PCDHA13: variants seen among roughly 807,000 people sequenced by gnomAD.
The protein encoded by PCDHA13 is protocadherin alpha 13.
In PCDHA13, 54 loss-of-function variants were observed where a neutral mutation model predicts 64.8. The ratio of observed to expected loss-of-function variants is 0.83; its 90% CI spans 0.67 to 1.04. PCDHA13 has a LOEUF of 1.04. Among genes scored for constraint, PCDHA13 ranks in the 50% least tolerant of loss-of-function variants. PCDHA13 has a pLI of 0.00. For missense variants in PCDHA13, 1,248 were observed against 1,254.3 expected, an observed-to-expected ratio of 0.99 and a Z score of 0.08; for synonymous variants, 587 against 564.4, an observed-to-expected ratio of 1.04 and a Z score of -0.57.
chr5:140,884,060 G>C lies in PCDHA13; in HGVS notation c.1792G>C (p.Asp598His), dbSNP rs781956914. Residue 598 changes from aspartate to histidine, a missense_variant, in exon 1 of 4, where the codon GAC (aspartate) becomes CAC (histidine). Physicochemically the swap from Asp to His is moderately conservative, Grantham distance 81. Coordinates refer to ENST00000289272, the MANE Select transcript of PCDHA13 (RefSeq NM_018904.3). ...CGTGGTGGCGAAGGTGCGCGCGGTG[G>C]ACGCCGATTCGGGCTACAATGCGTG... ...GHVVAKVRAV[D>H]ADSGYNAWLS... 4 of 1,613,548 alleles carry C rather than the reference G, an allele frequency of 2.5e-6. No homozygotes were observed. The highest frequency in any genetic ancestry group is 3.4e-6 in the Non-Finnish European group (4 of 1,179,766).
At position 140,943,090 on chromosome 5, in the gene PCDHA13, C is replaced by A. The variant is rs554425182; in HGVS notation, c.2395-35859C>A. On this transcript the variant is annotated intron_variant, in intron 1 of 3. Coordinates refer to ENST00000289272, the MANE Select transcript of PCDHA13 (RefSeq NM_018904.3). The stretch of plus-strand genomic sequence containing the variant: ...TGACCAACATGGTGAAATCCTGCCT[C>A]TACTAAAAAATACAAAAATTAGCCA... Among the ~76,000 whole-genome samples the A allele has an allele frequency of 1.8e-4, 27 of 151,656 alleles. No homozygotes were observed. The South Asian group carries it at 2.5e-3, about 14-fold the overall frequency.
intron 3 of PCDHA13, among the ~76,000 whole-genome samples, chr5:140,996,297 T>TGTAACAAAGTAAGGGG (rs2097720569): frequency 6.6e-6 from 1 of 152,196 alleles, no homozygotes; most frequent in Non-Finnish European, 1.5e-5. Context: ...AAGCACAGAT[T>TGTAACAAAGTAAGGGG]GTAACAAAGT....
intron 2 of PCDHA13, among the ~76,000 whole-genome samples, chr5:140,980,460 T>G (rs1554241839): frequency 6.6e-6 from 1 of 152,134 alleles, no homozygotes; most frequent in Non-Finnish European, 1.5e-5. Flanking sequence ...TGAAACCCTG[T>G]CTCTACTAAA....
chr5:141,008,678 G>C (rs1463545809), intron 3 of PCDHA13, among the ~76,000 whole-genome samples: 1 of 152,112 alleles, frequency 6.6e-6, no homozygotes, highest in Non-Finnish European at 1.5e-5. Flanking sequence ...ATATACTTTA[G>C]TTATTGCATG....
intron 1 of PCDHA13, among the ~76,000 whole-genome samples, chr5:140,894,202 A>G (rs1554185980): frequency 6.6e-6 from 1 of 152,034 alleles, no homozygotes. Context: ...TTTCTATGCT[A>G]TTATATTCTC....
intron 1 of PCDHA13, among the ~76,000 whole-genome samples, chr5:140,938,635 G>A (rs1361017966): frequency 6.6e-6 from 1 of 151,982 alleles, no homozygotes; most frequent in Non-Finnish European, 1.5e-5. Context: ...TGCTTATGAT[G>A]TATAATCCTT....
chr5:140,953,456 C>T (rs1159331179), intron 1 of PCDHA13, among the ~76,000 whole-genome samples: 1 of 152,110 alleles, frequency 6.6e-6, no homozygotes, highest in Admixed American at 6.5e-5. Context: ...GATTATCTGT[C>T]AGAGTTTTAA....
chr5:140,972,235 G>A (rs1368131761), intron 1 of PCDHA13, among the ~76,000 whole-genome samples: 2 of 151,838 alleles, frequency 1.3e-5, no homozygotes, highest in African/African-American at 4.8e-5. Context: ...GACCTTCTGG[G>A]CTCAAGCAAT....
At chr5:140,968,947 C>T (rs1342316299) in intron 1 of PCDHA13, 6 of 1,614,042 alleles carry the variant, frequency 3.7e-6, no homozygotes, top group Non-Finnish European at 5.1e-6. Context: ...TCATTTTGAG[C>T]ATCATCAAGT....
At chr5:140,967,150 C>T (rs1400431511) in intron 1 of PCDHA13, 1 of 1,611,004 alleles carries the variant, frequency 6.2e-7, no homozygotes, top group Non-Finnish European at 8.5e-7. Context: ...CGCACAACCC[C>T]GTGGCGGTGA....
At chr5:140,931,057 T>C (rs1554208231) in intron 1 of PCDHA13, among the ~76,000 whole-genome samples, 1 of 152,196 alleles carries the variant, frequency 6.6e-6, no homozygotes, top group Admixed American at 6.5e-5. Context: ...CAATGCTGTG[T>C]CTGGGACTAA....
At chr5:140,924,894 CAAAAA>C (rs782133089) in intron 1 of PCDHA13, among the ~76,000 whole-genome samples, 149 of 71,508 alleles carry the variant, frequency 2.1e-3, no homozygotes, top group African/African-American at 5.7e-3. Context: ...GAACCTGTCT[CAAAAA>C]AAAAAATAAA....
At chr5:140,959,499 C>T (rs2095491321) in intron 1 of PCDHA13, among the ~76,000 whole-genome samples, 1 of 151,982 alleles carries the variant, frequency 6.6e-6, no homozygotes. Flanking sequence ...ATGGATCAAA[C>T]TAAAAAATTT....
At chr5:140,962,104 C>T (rs1387807188) in intron 1 of PCDHA13, among the ~76,000 whole-genome samples, 1 of 152,056 alleles carries the variant, frequency 6.6e-6, no homozygotes, top group Non-Finnish European at 1.5e-5. Context: ...CCAGGATGGT[C>T]TCGATCTCCT....
In PCDHA13 at chr5:140,884,021, G is replaced by C; in HGVS notation, c.1753G>C (p.Val585Leu). The C allele has an allele frequency of 6.2e-7, 1 of 1,613,318 alleles. No homozygotes were observed. The highest frequency in any genetic ancestry group is 8.5e-7 in the Non-Finnish European group (1 of 1,179,632). ...GTVSELMPRS[V>L]GAGHVVAKVR... ...AGTGAGCGAGCTGATGCCGCGGTCG[G>C]TGGGTGCAGGCCACGTGGTGGCGAA... is the stretch of plus-strand genomic sequence containing the variant. Residue 585 changes from valine to leucine, a missense_variant, in exon 1 of 4, where the codon GTG becomes CTG. Physicochemically the swap from Val to Leu is conservative, Grantham distance 32. Coordinates refer to ENST00000289272, the MANE Select transcript of PCDHA13 (RefSeq NM_018904.3).
intron 1 of PCDHA13, among the ~76,000 whole-genome samples, chr5:140,953,290 A>G (rs1554220852): frequency 1.3e-5 from 2 of 152,124 alleles, no homozygotes; most frequent in Admixed American, 6.6e-5. Context: ...TATGTGATTC[A>G]GGGACGGCAG....
intron 1 of PCDHA13, chr5:140,968,736 A>G (rs1047961532): frequency 3.1e-6 from 5 of 1,614,098 alleles, no homozygotes; most frequent in East Asian, 2.2e-5. Context: ...AGCACTTTCA[A>G]CCTGACCGTG....
In PCDHA13 at chr5:140,883,374, T is replaced by G. The variant is rs1554177931; in HGVS notation, c.1106T>G (p.Ile369Ser). The G allele has an allele frequency of 2.5e-6, 4 of 1,614,054 alleles. No individual in the cohort carries two copies. The African/African-American group carries it at 5.3e-5, about 22-fold the overall frequency. The change falls in exon 1 of 4, where the codon ATT (isoleucine) becomes AGT (serine). Residue 369 changes from isoleucine (I) to serine (S), a missense_variant. Transcript: ENST00000289272. ...IREDTQPSAI[I>S]ALISVSDRDS... ...GAAGACACTCAGCCTAGCGCCATTA[T>G]TGCCCTAATCAGTGTGTCCGATCGT...
intron 1 of PCDHA13, chr5:140,930,059 A>G (rs1486359495): frequency 6.6e-6 from 1 of 152,200 alleles, no homozygotes; most frequent in Non-Finnish European, 1.5e-5. Flanking sequence ...TTGCTTACAC[A>G]AAAACTGTAA....
Sources: allele counts gnomAD v4.1 joint callset (sites outside exome capture counted in the v4.1 genomes callset), GRCh38; gene constraint gnomAD v4.1.1; transcripts MANE v1.5; gene names NCBI Gene and HGNC (gene_info 2026-07-23, HGNC 2026-07-21).